The following AGBL4 variants were observed in gnomAD, a reference collection of about 807,000 sequenced individuals.
AGBL4 encodes the protein cytosolic carboxypeptidase 6.
In AGBL4, 58 loss-of-function variants were observed where a neutral mutation model predicts 66.4. The observed-to-expected ratio is 0.87, with a 90% CI of 0.71 to 1.09. The LOEUF (loss-of-function observed/expected upper bound fraction) is 1.09. Ranked by LOEUF, AGBL4 falls within the 50% of genes least tolerant of loss-of-function variation. The probability of loss-of-function intolerance (pLI) is 0.00; values close to 1 mark genes in which losing one functional copy is unlikely to be tolerated. For missense variants in AGBL4, 579 were observed against 631.0 expected (o/e 0.92, Z 0.88); for synonymous variants, 234 against 222.9 (o/e 1.05, Z -0.44).
intron 4 of AGBL4, among the ~76,000 whole-genome samples, chr1:49,223,911 A>C (rs1649698077): frequency 6.6e-6 from 1 of 152,220 alleles, no homozygotes; most frequent in Non-Finnish European, 1.5e-5. Context: ...CAATTTCAGA[A>C]AGTAAGCATG....
chr1:49,766,215 A>C (rs1652720817), intron 2 of AGBL4, among the ~76,000 whole-genome samples: 2 of 152,180 alleles, frequency 1.3e-5, no homozygotes, highest in Admixed American at 6.5e-5. Flanking sequence ...CATATAAAAG[A>C]AACCCCTTCA....
chr1:48,899,224 G>A (rs1049891041), intron 5 of AGBL4, among the ~76,000 whole-genome samples: 2 of 152,214 alleles, frequency 1.3e-5, no homozygotes, highest in African/African-American at 4.8e-5. Context: ...GCGGGCGGGC[G>A]CCACACCTGT....
intron 2 of AGBL4, among the ~76,000 whole-genome samples, chr1:49,826,173 T>A (rs1471205003): frequency 6.6e-6 from 1 of 152,118 alleles, no homozygotes; most frequent in African/African-American, 2.4e-5. Context: ...ATTATAAAAA[T>A]TAATAAAAAA....
intron 3 of AGBL4, among the ~76,000 whole-genome samples, chr1:49,542,221 CT>C (rs918693494): frequency 3.3e-5 from 5 of 152,210 alleles, no homozygotes; most frequent in Admixed American, 2.6e-4. Flanking sequence ...TAAAAGCAGG[CT>C]GCCCCAGCCA....
At chr1:49,868,087 AAGG>A (rs1646749974) in intron 1 of AGBL4, among the ~76,000 whole-genome samples, 1 of 152,186 alleles carries the variant, frequency 6.6e-6, no homozygotes, top group South Asian at 2.1e-4. Context: ...GGACCTCTTC[AAGG>A]AGAACTACAA....
chr1:49,919,637 C>G (rs1317280950), intron 1 of AGBL4, among the ~76,000 whole-genome samples: 1 of 151,928 alleles, frequency 6.6e-6, no homozygotes, highest in Admixed American at 6.6e-5. Flanking sequence ...TAGGAAGAAT[C>G]AATATCGTGA....
Position 49,261,667 on chromosome 1 carries a change from A to C in AGBL4, c.283-15803T>G, listed in dbSNP as rs1184230233. On this transcript the variant is annotated intron_variant, in intron 3 of 13. Transcript: ENST00000371839. ...GCTTAATGAAATAAAAGAGGATACA[A>C]ACAAATGGAAGAACATTCCATGCTC... Among the ~76,000 whole-genome samples, 145 of 152,100 alleles carry C rather than the reference A, an allele frequency of 9.5e-4. 1 individual carries two copies. Among genetic ancestry groups the C allele is most frequent in the African/African-American group, 3.4e-3 (139 of 41,438 alleles).
At chr1:48,768,093 T>C (rs1644619210) in intron 6 of AGBL4, among the ~76,000 whole-genome samples, 1 of 152,190 alleles carries the variant, frequency 6.6e-6, no homozygotes, top group Non-Finnish European at 1.5e-5. Context: ...ACAGGCCCTG[T>C]TCCTATCACC....
chr1:49,248,928 AC>A, intron 3 of AGBL4, among the ~76,000 whole-genome samples: 1 of 152,222 alleles, frequency 6.6e-6, no homozygotes, highest in African/African-American at 2.4e-5. Context: ...GTAAATAGTG[AC>A]CACAGTACAC....
At chr1:49,000,564 A>AT (rs530087760) in intron 5 of AGBL4, among the ~76,000 whole-genome samples, 8 of 152,106 alleles carry the variant, frequency 5.3e-5, no homozygotes, top group African/African-American at 1.7e-4. Context: ...CTTGGTCTAC[A>AT]TTTTTTTATA....
chr1:49,020,477 G>A (rs960065593), intron 5 of AGBL4, among the ~76,000 whole-genome samples: 1 of 152,182 alleles, frequency 6.6e-6, no homozygotes, highest in Non-Finnish European at 1.5e-5. Context: ...CAGAACAGAT[G>A]TGGGCAGGGC....
At chr1:49,836,029 C>A (rs1448346763) in intron 2 of AGBL4, among the ~76,000 whole-genome samples, 1 of 152,078 alleles carries the variant, frequency 6.6e-6, no homozygotes, top group African/African-American at 2.4e-5. Flanking sequence ...TTTATTTCAA[C>A]CTTAGTAAAT....
intron 5 of AGBL4, among the ~76,000 whole-genome samples, chr1:48,969,024 A>C (rs1053406626): frequency 6.6e-6 from 1 of 152,132 alleles, no homozygotes; most frequent in African/African-American, 2.4e-5. Flanking sequence ...AAAATATAGA[A>C]TCTTGAAGCA....
rs1651146796 is a variant in AGBL4 at position 49,914,162 on chromosome 1, T to G, written c.35-62644A>C. On this transcript the variant is annotated intron_variant, in intron 1 of 13. Coordinates refer to ENST00000371839, the MANE Select transcript of AGBL4 (RefSeq NM_032785.4). ...TGCCAGGCTGTGAATTTTCCAAATC[T>G]TTCCAATCTGCTTCCCTTTTGATTA... Among the ~76,000 whole-genome samples the G allele has an allele frequency of 2.0e-5, 3 of 152,238 alleles. No homozygotes were observed. The South Asian group carries it at 6.2e-4, about 32-fold the overall frequency.
intron 2 of AGBL4, among the ~76,000 whole-genome samples, chr1:49,707,444 G>A (rs1245421480): frequency 7.7e-6 from 1 of 129,730 alleles, no homozygotes; most frequent in Non-Finnish European, 1.6e-5. Flanking sequence ...GCCTATGTGT[G>A]TCTTTGCACA....
intron 3 of AGBL4, among the ~76,000 whole-genome samples, chr1:49,669,705 T>C (rs1419445218): frequency 6.6e-6 from 1 of 152,082 alleles, no homozygotes; most frequent in Non-Finnish European, 1.5e-5. Context: ...ACCAGATACT[T>C]TGTGTTAGGT....
intron 6 of AGBL4, among the ~76,000 whole-genome samples, chr1:48,749,948 G>A (rs902955132): frequency 6.6e-6 from 1 of 152,160 alleles, no homozygotes; most frequent in Non-Finnish European, 1.5e-5. Context: ...TAAGTGGGGT[G>A]GGCAGCATAA....
At chr1:49,768,075 A>G (rs1643943933) in intron 2 of AGBL4, among the ~76,000 whole-genome samples, 1 of 152,140 alleles carries the variant, frequency 6.6e-6, no homozygotes, top group Admixed American at 6.5e-5. Context: ...ATGGATTCAC[A>G]GCCGAATTTT....
intron 6 of AGBL4, among the ~76,000 whole-genome samples, chr1:48,772,431 G>A (rs1644882507): frequency 6.6e-6 from 1 of 152,166 alleles, no homozygotes; most frequent in African/African-American, 2.4e-5. Flanking sequence ...TGCAGGCAGA[G>A]GCCCCATATC....
Sources: allele counts gnomAD v4.1 joint callset (sites outside exome capture counted in the v4.1 genomes callset), GRCh38; gene constraint gnomAD v4.1.1; transcripts MANE v1.5; gene names NCBI Gene and HGNC (gene_info 2026-07-23, HGNC 2026-07-21).